The following UBAP1 variants were observed in gnomAD, a reference collection of about 807,000 sequenced individuals.
UBAP1 encodes ubiquitin associated protein 1.
In UBAP1, 5 loss-of-function variants were observed where a neutral mutation model predicts 39.0. That is an observed-to-expected ratio of 0.13 (90% CI 0.07 to 0.27). The LOEUF is 0.27. UBAP1 is among the 10% of genes least tolerant of loss of function. The pLI is 1.00. For missense variants in UBAP1, 490 were observed against 608.1 expected (o/e 0.81, Z 2.04); for synonymous variants, 211 against 225.1 (o/e 0.94, Z 0.56).
At chr9:34,243,671 G>T (rs568641608) in intron 4 of UBAP1, among the ~76,000 whole-genome samples, 134 of 152,066 alleles carry the variant, frequency 8.8e-4, no homozygotes, top group African/African-American at 3.0e-3. Context: ...TGTATTTTTA[G>T]CAGAGATAGG....
intron 2 of UBAP1, among the ~76,000 whole-genome samples, chr9:34,226,123 G>GTGTGTGTGTGTT (rs1554650805): frequency 3.0e-4 from 31 of 104,664 alleles, no homozygotes; most frequent in African/African-American, 7.8e-4. Context: ...GTGTGTGTGT[G>GTGTGTGTGTGTT]TGTGTGTGTG....
intron 1 of UBAP1, among the ~76,000 whole-genome samples, chr9:34,195,692 G>C (rs1830993168): frequency 6.6e-6 from 1 of 151,498 alleles, no homozygotes; most frequent in South Asian, 2.1e-4. Flanking sequence ...CCGCCTCCCA[G>C]GTTCAAGCGA....
At chr9:34,183,227 A>G (rs919590801) in intron 1 of UBAP1, among the ~76,000 whole-genome samples, 2 of 152,106 alleles carry the variant, frequency 1.3e-5, no homozygotes, top group African/African-American at 4.8e-5. Flanking sequence ...AAGAAATGCA[A>G]AAAGGTAATA....
At chr9:34,230,863 TAATTTTC>T (rs957935697) in intron 2 of UBAP1, among the ~76,000 whole-genome samples, 74 of 152,226 alleles carry the variant, frequency 4.9e-4, no homozygotes, top group African/African-American at 1.7e-3. Flanking sequence ...TTTGGGCAAA[TAATTTTC>T]AATTTTCATA....
chr9:34,226,386 AC>A (rs1833108423), intron 2 of UBAP1, among the ~76,000 whole-genome samples: 1 of 151,846 alleles, frequency 6.6e-6, no homozygotes, highest in Non-Finnish European at 1.5e-5. Context: ...ATAGGTGCGC[AC>A]CACCATGCCT....
chr9:34,231,969 G>A (rs1204018580), intron 2 of UBAP1, among the ~76,000 whole-genome samples: 1 of 152,056 alleles, frequency 6.6e-6, no homozygotes, highest in Non-Finnish European at 1.5e-5. Context: ...CTGAAGGGAG[G>A]TTAAGGAAAT....
At chr9:34,224,400 C>G (rs1009855612) in intron 2 of UBAP1, 2 of 417,618 alleles carry the variant, frequency 4.8e-6, no homozygotes, top group Non-Finnish European at 9.0e-6. Flanking sequence ...CATCGATGAT[C>G]CTTGTTTTGC....
At chr9:34,248,379 A>G (rs1834286947) in intron 4 of UBAP1, among the ~76,000 whole-genome samples, 2 of 152,172 alleles carry the variant, frequency 1.3e-5, no homozygotes, top group African/African-American at 2.4e-5. Flanking sequence ...TTCTGGGTGT[A>G]TGCCTGCATC....
chr9:34,196,630 A>C (rs1330906770), intron 1 of UBAP1, among the ~76,000 whole-genome samples: 1 of 151,708 alleles, frequency 6.6e-6, no homozygotes, highest in African/African-American at 2.4e-5. Context: ...TTTTTAATAT[A>C]GACACGGTCT....
chr9:34,223,494 G>T (rs576662190), intron 2 of UBAP1, among the ~76,000 whole-genome samples: 2 of 151,646 alleles, frequency 1.3e-5, no homozygotes, highest in East Asian at 3.9e-4. Flanking sequence ...TCGCTCTGTC[G>T]CCCAGGCTGG....
chr9:34,183,234 A>G (rs1830188220), intron 1 of UBAP1, among the ~76,000 whole-genome samples: 1 of 152,088 alleles, frequency 6.6e-6, no homozygotes, highest in Admixed American at 6.6e-5. Flanking sequence ...GCAAAAAGGT[A>G]ATACAGAGTG....
chr9:34,235,463 C>T (rs983392128), intron 3 of UBAP1, among the ~76,000 whole-genome samples: 9 of 151,732 alleles, frequency 5.9e-5, no homozygotes, highest in Non-Finnish European at 8.8e-5. Context: ...CTCAGCCTCC[C>T]GAGTAGCTGG....
chr9:34,236,153 C>T (rs932203155), intron 3 of UBAP1, among the ~76,000 whole-genome samples: 1 of 152,100 alleles, frequency 6.6e-6, no homozygotes, highest in Non-Finnish European at 1.5e-5. Context: ...AGCCACTGCA[C>T]CCAGCCTATT....
intron 1 of UBAP1, among the ~76,000 whole-genome samples, chr9:34,201,781 G>T (rs141720073): frequency 6.6e-6 from 1 of 152,022 alleles, no homozygotes. Context: ...GGTTGAATGC[G>T]CAGTCTCCAA....
At chr9:34,214,507 A>C (rs1046677667) in intron 1 of UBAP1, among the ~76,000 whole-genome samples, 4 of 152,220 alleles carry the variant, frequency 2.6e-5, no homozygotes, top group African/African-American at 9.6e-5. Flanking sequence ...AGATAGATTA[A>C]GGACTTAACG....
At chr9:34,188,761 A>C (rs565723072) in intron 1 of UBAP1, among the ~76,000 whole-genome samples, 1 of 152,246 alleles carries the variant, frequency 6.6e-6, no homozygotes, top group East Asian at 1.9e-4. Flanking sequence ...GTTCGAGACC[A>C]GCCTGGCCAA....
intron 4 of UBAP1, among the ~76,000 whole-genome samples, chr9:34,249,104 C>G (rs1276239415): frequency 6.6e-6 from 1 of 152,156 alleles, no homozygotes; most frequent in Non-Finnish European, 1.5e-5. Flanking sequence ...AGATTCCAGT[C>G]TGTGGGATCC....
chr9:34,249,406 A>G lies in UBAP1; in HGVS notation c.1084-373A>G, dbSNP rs183820726. ...GGGAAAGGGATAATGCTGGAGAGAA[A>G]TCGCAGCCAGCTTGGACATCAGTCC... On this transcript the variant is annotated intron_variant, in intron 4 of 6. Coordinates refer to ENST00000297661, the MANE Select transcript of UBAP1 (RefSeq NM_016525.5). 1.1e-3 allele frequency among the ~76,000 whole-genome samples: 168 copies of G among 152,276 alleles called. 4 individuals are homozygous for G. In the East Asian group the frequency reaches 0.028, roughly 25 times the overall value.
intron 1 of UBAP1, among the ~76,000 whole-genome samples, chr9:34,187,741 C>T (rs1830483103): frequency 6.7e-6 from 1 of 149,826 alleles, no homozygotes. Flanking sequence ...GTTCCTTGGA[C>T]TTGTGTGTCT....
Sources: gnomAD v4.1 joint callset for allele counts (sites outside exome capture counted in the v4.1 genomes callset) on GRCh38, gnomAD v4.1.1 for gene constraint, MANE v1.5 for transcripts, NCBI Gene and HGNC (gene_info 2026-07-23, HGNC 2026-07-21) for gene names.